Variants in DNAH2 observed in about 807,000 individuals in gnomAD.
DNAH2 encodes the protein dynein axonemal heavy chain 2, also known as axonemal beta dynein heavy chain 2.
A neutral mutation model predicts 523.5 loss-of-function variants in DNAH2; 323 were observed. That is an observed-to-expected ratio of 0.62 (90% confidence interval 0.56 to 0.68). The LOEUF (loss-of-function observed/expected upper bound fraction) is 0.68. Ranked by LOEUF, DNAH2 falls within the 30% of genes least tolerant of loss-of-function variation. The probability of loss-of-function intolerance (pLI) is 0.00; values close to 1 mark genes in which losing one functional copy is unlikely to be tolerated. For synonymous variants in DNAH2, 2,093 were observed against 2,177.4 expected, an observed-to-expected ratio of 0.96 and a Z score of 1.08; for missense variants, 4,907 against 5,701.5, an observed-to-expected ratio of 0.86 and a Z score of 4.49.
chr17:7,766,255 G>A (rs1222732480), intron 21 of DNAH2, 63 bp from the exon 22 acceptor site: 1 of 1,553,604 alleles, frequency 6.4e-7, no homozygotes, highest in African/African-American at 1.4e-5. Context: ...AGAGATAGGA[G>A]AGCCATGGCT....
intron 22 of DNAH2, among the ~76,000 whole-genome samples, chr17:7,767,303 G>A (rs1008859980): frequency 6.6e-6 from 1 of 152,046 alleles, no homozygotes; most frequent in East Asian, 1.9e-4. Flanking sequence ...TTTGAATATC[G>A]CATGAGTTTA....
chr17:7,792,333 T>G lies in DNAH2; in HGVS notation c.7135T>G (p.Tyr2379Asp), dbSNP rs758640653. Reference sequence around the variant, plus strand: ...GGACAAGCTCCCTAAGAGTTGGCGCTACCCTCCAAAGTAAGAGCTGGGCCT... The same window carrying G: ...GGACAAGCTCCCTAAGAGTTGGCGCGACCCTCCAAAGTAAGAGCTGGGCCT... ...FEDKLPKSWR[Y>D]PPNAPFYKIM... The change falls in exon 46 of 86, where the codon TAC becomes GAC. Residue 2379 changes from tyrosine (Y) to aspartate (D), a missense_variant. Tyr to Asp is a radical substitution (Grantham distance 160). Coordinates refer to ENST00000572933, the MANE Select transcript of DNAH2 (RefSeq NM_020877.5). 1.9e-6 allele frequency: 3 copies of G among 1,613,904 alleles called. No homozygotes were observed. In the Admixed American group the frequency reaches 5.0e-5, roughly 27 times the overall value.
rs768604999 is a variant in DNAH2, at chr17:7,792,869, C to G, written c.7344+14C>G. ...ATGTCCGCACAGGTGTGTCGGGGAT[C>G]CAGGGGCCAGGCTGCCGGCTCCCTT... On this transcript the variant is annotated intron_variant, in intron 47 of 85. Coordinates refer to ENST00000572933, the MANE Select transcript of DNAH2 (RefSeq NM_020877.5). 1.0e-5 allele frequency: 16 copies of G among 1,607,514 alleles called. No homozygotes were observed. In the East Asian group the frequency reaches 3.6e-4, roughly 36 times the overall value.
intron 12 of DNAH2, among the ~76,000 whole-genome samples, chr17:7,745,673 C>G (rs887450799): frequency 1.3e-5 from 2 of 151,800 alleles, no homozygotes; most frequent in Non-Finnish European, 2.9e-5. Context: ...GCCTGTAGTC[C>G]CAGCTACTCA....
rs1233452748 is a variant in DNAH2 at position 7,778,303 on chromosome 17, C to T, written c.5375C>T (p.Ala1792Val). 1 of 1,614,204 alleles carries T rather than the reference C, an allele frequency of 6.2e-7. No homozygotes were observed. The highest frequency in any genetic ancestry group is 8.5e-7 in the Non-Finnish European group (1 of 1,180,018). Reference protein sequence around the residue: ...TDRCYMTLTTALHLHRGGSPK... With the variant: ...TDRCYMTLTTVLHLHRGGSPK... ...AGGTGTTACATGACACTGACCACGGCATTGCACCTGCACCGAGGGGGCTCC... is the reference window on the plus strand; with the variant it reads ...AGGTGTTACATGACACTGACCACGGTATTGCACCTGCACCGAGGGGGCTCC... Residue 1792 changes from alanine (A) to valine (V), a missense_variant, in exon 35 of 86, where the codon GCA (alanine) becomes GTA (valine). Around this residue, in one of 3 missense-constraint regions of DNAH2, gnomAD observed 2,806 missense variants for 3,190.8 expected, o/e 0.88. Transcript: ENST00000572933.
Position 7,754,525 on chromosome 17 carries a change from A to G in DNAH2, c.1905-2566A>G, listed in dbSNP as rs2075782100. On this transcript the variant is annotated intron_variant, in intron 12 of 85. Coordinates refer to ENST00000572933, the MANE Select transcript of DNAH2 (RefSeq NM_020877.5). The surrounding 1 kb of genome is among the most constrained non-coding windows in gnomAD (Gnocchi z 4.6). Reference sequence around the variant, plus strand: ...GTTCCTGAGGAACATGCGCTTTGCCAAGAAGCACAAAAGAAGGGCCTAAAG... The same window carrying G: ...GTTCCTGAGGAACATGCGCTTTGCCGAGAAGCACAAAAGAAGGGCCTAAAG... 1 of 1,038,402 alleles carries G rather than the reference A, an allele frequency of 9.6e-7. No individual in the cohort carries two copies. The allele number at this position is 1,038,402 out of a possible 1,614,324, so 64.3% of individuals were successfully genotyped here.
intron 77 of DNAH2, among the ~76,000 whole-genome samples, chr17:7,826,535 CTTT>C (rs35943055): frequency 1.8e-5 from 2 of 111,222 alleles, no homozygotes; most frequent in Non-Finnish European, 1.8e-5. Flanking sequence ...TGCCCATCAT[CTTT>C]TTTTTTTTTT....
rs755758201 is a variant in DNAH2, at chr17:7,737,243, C to T, written c.1155C>T (p.Thr385=). 1 of 1,613,864 alleles carries T rather than the reference C, an allele frequency of 6.2e-7. No homozygotes were observed. The highest frequency in any genetic ancestry group is 8.5e-7 in the Non-Finnish European group (1 of 1,179,918). The change falls in exon 8 of 86, where the codon ACC becomes ACT. Residue 385 remains threonine, a synonymous_variant. Transcript: ENST00000572933. ...ACTACAACACTCGGGAGAGACTGACCTCGCTCTTCCGAAAGGTGTGCATAT... is the reference window on the plus strand; with the variant it reads ...ACTACAACACTCGGGAGAGACTGACTTCGCTCTTCCGAAAGGTGTGCATAT... ...SPHYNTRERL[T]SLFRKVCDCQ... is the part of the protein sequence containing the mutation.
At chr17:7,722,997 CT>C (rs1305901549) in intron 2 of DNAH2, among the ~76,000 whole-genome samples, 2 of 109,066 alleles carry the variant, frequency 1.8e-5, no homozygotes, top group East Asian at 3.0e-4. Context: ...GAGACAGAGT[CT>C]TCGCTCTGTT....
At chr17:7,758,329 C>T (rs1044919623) in intron 13 of DNAH2, among the ~76,000 whole-genome samples, 166 bp from the exon 14 acceptor site, 2 of 152,188 alleles carry the variant, frequency 1.3e-5, no homozygotes, top group African/African-American at 4.8e-5. Flanking sequence ...CCTAAGAGAA[C>T]ACTTCCATCA....
Position 7,831,477 on chromosome 17 carries a change from TC to T in DNAH2, c.12553del (p.Leu4185SerfsTer15). Reference sequence around the variant, plus strand: ...TCAAAAACTGCTAGCTCTCGACCCCTCCCCCCTCAATGTGGTCCTTCTGCAG... The same window carrying T: ...TCAAAAACTGCTAGCTCTCGACCCCTCCCCCTCAATGTGGTCCTTCTGCAG... ...GTQKLLALDP[S>X]PLNVVLLQEI... On this transcript the variant is annotated frameshift_variant, in exon 81 of 86. Transcript: ENST00000572933. LOFTEE classifies it high-confidence loss of function. The surrounding 1 kb of genome is among the most constrained non-coding windows in gnomAD (Gnocchi z 4.2). 2 of 1,613,828 alleles carry T rather than the reference TC, an allele frequency of 1.2e-6. No homozygotes were observed. The highest frequency in any genetic ancestry group is 3.3e-5 in the Admixed American group (2 of 59,976).
chr17:7,791,809 AG>A, intron 44 of DNAH2, 107 bp from the exon 45 acceptor site: 1 of 1,063,360 alleles, frequency 9.4e-7, no homozygotes, highest in Non-Finnish European at 1.4e-6. Flanking sequence ...AAATAGAGCC[AG>A]GGAAGGAGGA....
intron 4 of DNAH2, among the ~76,000 whole-genome samples, chr17:7,732,671 A>G (rs149478835): frequency 4.1e-3 from 621 of 152,302 alleles, no homozygotes; most frequent in Admixed American, 7.0e-3. Context: ...AAATATATGC[A>G]ACCAAAATGG....
rs925386102 is a variant in DNAH2 at position 7,821,736 on chromosome 17, C to T, written c.11142+367C>T. 1.3e-5 allele frequency among the ~76,000 whole-genome samples: 2 copies of T among 152,108 alleles called. No homozygotes were observed. The highest frequency in any genetic ancestry group is 2.4e-5 in the African/African-American group (1 of 41,384). On this transcript the variant is annotated intron_variant, in intron 73 of 85. Transcript: ENST00000572933. This position sits in a 1 kb window ranked among gnomAD's most constrained non-coding sequence, Gnocchi z 5.0. The stretch of plus-strand genomic sequence containing the variant: ...ACCCCAGCTTTTCTCCTCTCTCTGT[C>T]GCATCTACCGCTCTGGCTAGATCCA...
rs762659162 is a variant in DNAH2 at position 7,816,711 on chromosome 17, G to C, written c.9870G>C (p.Lys3290Asn). ...GMLVSGLAGE[K>N]ARWEETVQGL... ...TCGTGTCGGGGTTGGCTGGCGAGAAGGCCAGATGGGAGGAGACAGTCCAGG... is the reference window on the plus strand; with the variant it reads ...TCGTGTCGGGGTTGGCTGGCGAGAACGCCAGATGGGAGGAGACAGTCCAGG... Residue 3290 changes from lysine (K) to asparagine (N), a missense_variant, in exon 64 of 86, where the codon AAG becomes AAC. By Grantham distance (94) the Lys-to-Asn change is moderately conservative. Transcript: ENST00000572933. 4.3e-6 allele frequency: 7 copies of C among 1,614,020 alleles called. No individual in the cohort carries two copies. The South Asian group carries it at 7.7e-5, about 18-fold the overall frequency.
chr17:7,826,989 C>T (rs1261828797), intron 77 of DNAH2, among the ~76,000 whole-genome samples: 1 of 152,018 alleles, frequency 6.6e-6, no homozygotes, highest in Admixed American at 6.5e-5. Context: ...TTTTCTTTTC[C>T]TCTGGAGTTA....
At chr17:7,820,101 G>A (rs1055396871) in intron 72 of DNAH2, among the ~76,000 whole-genome samples, 6 of 152,170 alleles carry the variant, frequency 3.9e-5, no homozygotes, top group South Asian at 2.1e-4. Flanking sequence ...GAGCCACCAC[G>A]CCTGGCAAAA....
intron 49 of DNAH2, 55 bp from the exon 50 acceptor site, chr17:7,796,409 C>T (rs1597691583): frequency 5.4e-5 from 85 of 1,582,230 alleles, no homozygotes; most frequent in African/African-American, 1.4e-5. Context: ...TTATTGGCTT[C>T]CCCTCTGGCT....
At chr17:7,722,187 C>CGGG (rs56380951) in intron 2 of DNAH2, among the ~76,000 whole-genome samples, 8 of 144,478 alleles carry the variant, frequency 5.5e-5, no homozygotes, top group African/African-American at 7.6e-5. Context: ...TTTATAGAGA[C>CGGG]GGGGGGGGGG....
Sources: gnomAD v4.1 joint callset for allele counts (sites outside exome capture counted in the v4.1 genomes callset) on GRCh38, gnomAD v4.1.1 for gene constraint, gnomAD v4.1.1 regional missense constraint, Gnocchi (gnomAD v3.1) non-coding constraint, MANE v1.5 for transcripts, NCBI Gene and HGNC (gene_info 2026-07-23, HGNC 2026-07-21) for gene names.